Variants in SMARCC1 observed in about 807,000 individuals in gnomAD.
The protein encoded by SMARCC1 is SWI/SNF related BAF chromatin remodeling complex subunit C1.
In SMARCC1, 43 loss-of-function variants were observed where a neutral mutation model predicts 147.4. That is an observed-to-expected ratio of 0.29 (90% confidence interval 0.23 to 0.38). The LOEUF is 0.38. Among genes scored for constraint, SMARCC1 ranks in the 10% least tolerant of loss-of-function variants. SMARCC1 has a pLI of 1.00. For missense variants in SMARCC1, 1,119 were observed against 1,381.1 expected (o/e 0.81, Z 3.01); for synonymous variants, 495 against 484.4 (o/e 1.02, Z -0.29).
intron 26 of SMARCC1, among the ~76,000 whole-genome samples, chr3:47,591,784 G>C (rs1371199746): frequency 1.3e-5 from 2 of 152,000 alleles, no homozygotes; most frequent in Non-Finnish European, 2.9e-5. Context: ...AGCTCAGGCA[G>C]TAAGACTGCC....
chr3:47,737,710 C>T (rs1032359596), intron 4 of SMARCC1, among the ~76,000 whole-genome samples: 2 of 152,050 alleles, frequency 1.3e-5, no homozygotes, highest in African/African-American at 2.4e-5. Flanking sequence ...GGCTGGAGTG[C>T]AGGGGCGCAA....
intron 19 of SMARCC1, among the ~76,000 whole-genome samples, chr3:47,664,188 A>G (rs2033390877): frequency 6.6e-6 from 1 of 152,022 alleles, no homozygotes; most frequent in Admixed American, 6.6e-5. Context: ...TAAAAAAAAA[A>G]AAAAAAAGAC....
intron 25 of SMARCC1, chr3:47,610,616 T>C (rs1576386774): frequency 4.5e-6 from 2 of 443,598 alleles, no homozygotes; most frequent in Non-Finnish European, 8.3e-6. Context: ...CTTGGACACA[T>C]GTAATCCCCT....
chr3:47,714,351 A>G, intron 8 of SMARCC1, 64 bp downstream of exon 8: 1 of 913,460 alleles, frequency 1.1e-6, no homozygotes, highest in East Asian at 2.4e-5. Flanking sequence ...CGACAGAGTG[A>G]GACGCCATCT....
At chr3:47,588,516 T>C (rs529978130) in intron 27 of SMARCC1, among the ~76,000 whole-genome samples, 1 of 152,126 alleles carries the variant, frequency 6.6e-6, no homozygotes, top group Non-Finnish European at 1.5e-5. Flanking sequence ...CTAACCCTAG[T>C]GGCTGGGGAG....
chr3:47,597,014 T>A (rs1369813480), intron 26 of SMARCC1, among the ~76,000 whole-genome samples: 1 of 151,454 alleles, frequency 6.6e-6, no homozygotes, highest in Non-Finnish European at 1.5e-5. Flanking sequence ...ACCAACATGA[T>A]GAAAATAAAA....
chr3:47,686,847 T>A (rs1202753315), intron 13 of SMARCC1, among the ~76,000 whole-genome samples: 1 of 152,108 alleles, frequency 6.6e-6, no homozygotes, highest in Non-Finnish European at 1.5e-5. Flanking sequence ...TAGCTGGACA[T>A]AGTGGTACAT....
At chr3:47,593,233 G>A (rs781301719) in intron 26 of SMARCC1, among the ~76,000 whole-genome samples, 10 of 150,488 alleles carry the variant, frequency 6.6e-5, no homozygotes, top group Non-Finnish European at 1.0e-4. Context: ...TCGCTGTGTC[G>A]CGATCCTGGC....
Position 47,640,381 on chromosome 3 carries a change from A to G in SMARCC1, c.2321-1601T>C, listed in dbSNP as rs78641322. 7.6e-4 allele frequency among the ~76,000 whole-genome samples: 116 copies of G among 152,222 alleles called. 1 individual carries two copies. In the East Asian group the frequency reaches 0.022, roughly 29 times the overall value. On this transcript the variant is annotated intron_variant, in intron 21 of 27. Coordinates refer to ENST00000254480, the MANE Select transcript of SMARCC1 (RefSeq NM_003074.4). ...TGAAGAAAAGAGAGAGATGACATAA[A>G]CAAACTATATGAGGAATGGATGAAA...
At chr3:47,650,761 A>G (rs2033180157) in intron 21 of SMARCC1, among the ~76,000 whole-genome samples, 1 of 151,822 alleles carries the variant, frequency 6.6e-6, no homozygotes, top group Non-Finnish European at 1.5e-5. Flanking sequence ...GCTGTAGTGA[A>G]TCATGATCAT....
chr3:47,652,899 T>C (rs1194858808), intron 21 of SMARCC1, among the ~76,000 whole-genome samples: 1 of 151,936 alleles, frequency 6.6e-6, no homozygotes, highest in East Asian at 1.9e-4. Context: ...GGGAAATCAC[T>C]TAAAATATAA....
intron 16 of SMARCC1, among the ~76,000 whole-genome samples, chr3:47,677,757 C>T (rs1166328829): frequency 1.3e-5 from 2 of 152,034 alleles, no homozygotes; most frequent in Non-Finnish European, 2.9e-5. Context: ...TGGCCAGGCT[C>T]GAACTCCTGA....
chr3:47,693,427 T>A, intron 11 of SMARCC1, 127 bp from the exon 12 acceptor site: 1 of 618,300 alleles, frequency 1.6e-6, no homozygotes. Flanking sequence ...TTCAATACAC[T>A]TTCAGGTAAA....
chr3:47,717,969 C>T (rs2034178177), intron 7 of SMARCC1, among the ~76,000 whole-genome samples: 1 of 151,640 alleles, frequency 6.6e-6, no homozygotes, highest in South Asian at 2.1e-4. Flanking sequence ...GCCTGAACAA[C>T]ATACAGAGCA....
chr3:47,746,726 ATTTTTTTT>A (rs35599897), intron 2 of SMARCC1, among the ~76,000 whole-genome samples: 1 of 122,008 alleles, frequency 8.2e-6, no homozygotes, highest in Non-Finnish European at 1.7e-5. Context: ...CACATCAGTA[ATTTTTTTT>A]TTTTTTTTTT....
At chr3:47,756,465 G>A (rs1255259163) in intron 2 of SMARCC1, among the ~76,000 whole-genome samples, 13 of 148,226 alleles carry the variant, frequency 8.8e-5, no homozygotes, top group South Asian at 2.1e-4. Flanking sequence ...CCCGGGAGGC[G>A]GAGGTTGCAG....
chr3:47,659,727 C>A (rs1266235473), intron 21 of SMARCC1, among the ~76,000 whole-genome samples: 1 of 118,966 alleles, frequency 8.4e-6, no homozygotes, highest in African/African-American at 3.4e-5. Context: ...CCTAAAACTG[C>A]TCTAAGACAT....
chr3:47,714,410 T>C lies in SMARCC1; in HGVS notation c.792+5A>G, dbSNP rs1249656903. ...TTGTAAGATTTTTTTTGTTAAATCA[T>C]TTACCTTCCATGGTTTTTCTGGAAT... is the stretch of plus-strand genomic sequence containing the variant. On this transcript the variant is annotated splice_donor_5th_base_variant and intron_variant, in intron 8 of 27. Coordinates refer to ENST00000254480, the MANE Select transcript of SMARCC1 (RefSeq NM_003074.4). The C allele has an allele frequency of 1.3e-6, 2 of 1,542,690 alleles. No homozygotes were observed. The highest frequency in any genetic ancestry group is 2.2e-5 in the East Asian group (1 of 44,544).
At chr3:47,750,155 G>T (rs1330227752) in intron 2 of SMARCC1, among the ~76,000 whole-genome samples, 1 of 151,528 alleles carries the variant, frequency 6.6e-6, no homozygotes, top group African/African-American at 2.4e-5. Context: ...ACTAATGTAG[G>T]CTGGGCGCGG....
Sources: allele counts gnomAD v4.1 joint callset (sites outside exome capture counted in the v4.1 genomes callset), GRCh38; gene constraint gnomAD v4.1.1; transcripts MANE v1.5; gene names NCBI Gene and HGNC (gene_info 2026-07-23, HGNC 2026-07-21).